The following MBNL3 variants were observed in gnomAD, a reference collection of about 807,000 sequenced individuals.
MBNL3 encodes the protein muscleblind like splicing regulator 3.
In MBNL3, 6 loss-of-function variants were observed where a neutral mutation model predicts 24.5. The ratio of observed to expected loss-of-function variants is 0.25; its 90% CI spans 0.13 to 0.48. The LOEUF (loss-of-function observed/expected upper bound fraction) is 0.48, where lower values mean the gene tolerates loss of function less well. Ranked by LOEUF, MBNL3 falls within the 20% of genes least tolerant of loss-of-function variation. The pLI is 0.99. For synonymous variants in MBNL3, 100 were observed against 101.7 expected, an observed-to-expected ratio of 0.98 and a Z score of 0.10; for missense variants, 230 against 293.5, an observed-to-expected ratio of 0.78 and a Z score of 1.58.
intron 2 of MBNL3, among the ~76,000 whole-genome samples, chrX:132,408,804 G>A (rs1212641981): frequency 8.9e-6 from 1 of 112,001 alleles, no homozygotes; most frequent in Non-Finnish European, 1.9e-5. Flanking sequence ...ACTAAAGTAT[G>A]GAATATGAGG....
chrX:132,440,295 G>T lies in MBNL3; in HGVS notation c.-684C>A, dbSNP rs746116581. ...TAGAATCCAAGCAGCAGAGTTTTCA[G>T]AAAAGGCACTTTTCAGAACCTGCAA... On this transcript the variant is annotated 5_prime_UTR_variant, in exon 2 of 9. The change creates a new upstream start codon in the 5' untranslated region. Coordinates refer to ENST00000370853, the MANE Select transcript of MBNL3 (RefSeq NM_001386889.1). Among the ~76,000 whole-genome samples the T allele has an allele frequency of 5.4e-5, 6 of 110,806 alleles. No individual in the cohort carries two copies. Among genetic ancestry groups the T allele is most frequent in the South Asian group, 3.8e-4 (1 of 2,634 alleles).
Position 132,439,715 on chromosome X carries a change from G to A in MBNL3, c.-104C>T. ...TCAAACTAAGTGCGAAGAGATAACA[G>A]GTTGCTTTGGTGAAATGTCTATTTG... On this transcript the variant is annotated 5_prime_UTR_variant, in exon 2 of 9. Coordinates refer to ENST00000370853, the MANE Select transcript of MBNL3 (RefSeq NM_001386889.1). The A allele has an allele frequency of 9.6e-7, 1 of 1,037,948 alleles. No individual in the cohort carries two copies. Among genetic ancestry groups the A allele is most frequent in the Non-Finnish European group, 1.2e-6 (1 of 805,080 alleles). The allele number at this position is 1,037,948 out of a possible 1,213,427, so 85.5% of individuals were successfully genotyped here.
At chrX:132,406,431 A>C (rs1941835468) in intron 2 of MBNL3, 39 bp from the exon 3 acceptor site, 3 of 1,107,576 alleles carry the variant, frequency 2.7e-6, no homozygotes. Context: ...AATTAAAACT[A>C]TACACAAATA....
chrX:132,483,290 A>G (rs773021919), intron 1 of MBNL3, among the ~76,000 whole-genome samples: 1 of 112,095 alleles, frequency 8.9e-6, no homozygotes, highest in South Asian at 3.7e-4. Context: ...ACTGAGGTTA[A>G]ATGTGATCCC....
At chrX:132,421,940 A>C (rs1238647165) in intron 2 of MBNL3, among the ~76,000 whole-genome samples, 1 of 112,120 alleles carries the variant, frequency 8.9e-6, no homozygotes, top group Non-Finnish European at 1.9e-5. Flanking sequence ...ATATTAAAAA[A>C]AAATTGTAGC....
chrX:132,453,449 T>C (rs1946211473), intron 1 of MBNL3, among the ~76,000 whole-genome samples: 1 of 111,727 alleles, frequency 9.0e-6, no homozygotes, highest in African/African-American at 3.3e-5. Context: ...ATAGAGAGTA[T>C]TTCAAGACCG....
In MBNL3 at chrX:132,455,933, ATCT is replaced by A. The variant is rs1946349833; in HGVS notation, c.-703-15622_-703-15620del. Among the ~76,000 whole-genome samples, 4 of 111,971 alleles carry A rather than the reference ATCT, an allele frequency of 3.6e-5. No homozygotes were observed. In the South Asian group the frequency reaches 1.1e-3, roughly 32 times the overall value. ...CCCTTGTTCAGTTTCAGAGAACAACATCTTCTTTGCACACATGGTTTTGTTTCA... is the reference window on the plus strand; with the variant it reads ...CCCTTGTTCAGTTTCAGAGAACAACATCTTTGCACACATGGTTTTGTTTCA... On this transcript the variant is annotated intron_variant, in intron 1 of 8. Transcript: ENST00000370853.
chrX:132,382,186 C>G lies in MBNL3; in HGVS notation c.1045G>C (p.Gly349Arg). Residue 349 changes from glycine (G) to arginine (R), a missense_variant, in exon 8 of 9, where the codon GGC (glycine) becomes CGC (arginine). Physicochemically the swap from Gly to Arg is moderately radical, Grantham distance 125 (BLOSUM62 -2). Coordinates refer to ENST00000370853, the MANE Select transcript of MBNL3 (RefSeq NM_001386889.1). ...TAAATAAATGGCCAAACCTGATTGC[C>G]TGTAGTTGGTGCAGCGAACGGAACG... is the stretch of plus-strand genomic sequence containing the variant. ...TSVPFAAPTT[G>R]NQLKF The G allele has an allele frequency of 8.3e-7, 1 of 1,210,272 alleles. No homozygotes were observed. Among genetic ancestry groups the G allele is most frequent in the Non-Finnish European group, 1.1e-6 (1 of 894,476 alleles).
At chrX:132,464,090 A>C (rs776067484) in intron 1 of MBNL3, among the ~76,000 whole-genome samples, 17 of 112,798 alleles carry the variant, frequency 1.5e-4, no homozygotes, top group Non-Finnish European at 3.2e-4. Flanking sequence ...AGATTCATTT[A>C]ATGAAAATAC....
intron 3 of MBNL3, among the ~76,000 whole-genome samples, chrX:132,396,349 T>TATATATTCCTATATATATTC (rs1569423251): frequency 5.8e-5 from 5 of 86,637 alleles, no homozygotes; most frequent in African/African-American, 2.2e-4. Context: ...TATATTCATA[T>TATATATTCCTATATATATTC]ATATATATTC....
At chrX:132,483,090 G>A (rs1308985491) in intron 1 of MBNL3, among the ~76,000 whole-genome samples, 1 of 112,464 alleles carries the variant, frequency 8.9e-6, no homozygotes, top group Non-Finnish European at 1.9e-5. Flanking sequence ...TAAAGGAGTT[G>A]GGAGTTTAAT....
At chrX:132,455,342 C>T (rs1353490631) in intron 1 of MBNL3, among the ~76,000 whole-genome samples, 1 of 111,980 alleles carries the variant, frequency 8.9e-6, no homozygotes, top group Non-Finnish European at 1.9e-5. Context: ...CTCTGATTTG[C>T]GTCAATAAAT....
chrX:132,413,159 ACCT>A (rs1942962298), intron 2 of MBNL3, among the ~76,000 whole-genome samples: 1 of 111,351 alleles, frequency 9.0e-6, no homozygotes, highest in African/African-American at 3.3e-5. Flanking sequence ...AGGCTTCTTT[ACCT>A]CCTTTTTCTG....
Position 132,371,595 on chromosome X carries a change from C to T in MBNL3, c.*8071G>A, listed in dbSNP as rs981763086. ...TAAACAACACTGGTTTCATATGTTA[C>T]ACTAGGGATGCAGGATAGACATGAA... is the stretch of plus-strand genomic sequence containing the variant. On this transcript the variant is annotated 3_prime_UTR_variant, in exon 9 of 9. Transcript: ENST00000370853. 6 of 111,233 alleles carry T rather than the reference C, an allele frequency of 5.4e-5. No homozygotes were observed. Among genetic ancestry groups the T allele is most frequent in the African/African-American group, 2.0e-4 (6 of 30,673 alleles). 9.2% of individuals were successfully genotyped at this position (111,233 alleles called of 1,213,427 possible). A position where few individuals can be genotyped will look rare whatever the true frequency, so the allele number is the denominator to read the frequency against.
intron 1 of MBNL3, among the ~76,000 whole-genome samples, chrX:132,463,616 C>A (rs1946742500): frequency 8.9e-6 from 1 of 111,768 alleles, no homozygotes; most frequent in Non-Finnish European, 1.9e-5. Flanking sequence ...CCACGCACCA[C>A]CTAGTGGCAG....
chrX:132,408,658 C>T (rs1942252966), intron 2 of MBNL3, among the ~76,000 whole-genome samples: 1 of 111,662 alleles, frequency 9.0e-6, no homozygotes, highest in Admixed American at 9.5e-5. Context: ...TTTTATATCA[C>T]TATCCTTTAC....
intron 2 of MBNL3, among the ~76,000 whole-genome samples, chrX:132,420,713 G>A (rs1302845800): frequency 1.8e-5 from 2 of 110,834 alleles, no homozygotes; most frequent in African/African-American, 6.6e-5. Context: ...GGGATTACTC[G>A]TCGGCCTAGG....
At chrX:132,391,782 A>C (rs1937211551) in intron 4 of MBNL3, among the ~76,000 whole-genome samples, 1 of 111,721 alleles carries the variant, frequency 9.0e-6, no homozygotes, top group Non-Finnish European at 1.9e-5. Flanking sequence ...AATCGTAGAG[A>C]GTTATATTGT....
chrX:132,398,522 ATC>A (rs981697086), intron 3 of MBNL3, among the ~76,000 whole-genome samples: 1 of 111,951 alleles, frequency 8.9e-6, no homozygotes, highest in African/African-American at 3.2e-5. Context: ...TATCATGAGC[ATC>A]TGTTTGTCTC....
Sources: gnomAD v4.1 joint callset for allele counts (sites outside exome capture counted in the v4.1 genomes callset) on GRCh38, gnomAD v4.1.1 for gene constraint, MANE v1.5 for transcripts, NCBI Gene and HGNC (gene_info 2026-07-23, HGNC 2026-07-21) for gene names.